ZNF444: variants seen among roughly 807,000 people sequenced by gnomAD.
ZNF444 encodes the protein endothelial zinc finger protein 2.
In ZNF444, 8 loss-of-function variants were observed where a neutral mutation model predicts 14.4. The ratio of observed to expected loss-of-function variants is 0.56; its 90% CI spans 0.33 to 1.00. The LOEUF (loss-of-function observed/expected upper bound fraction) is 1.00, where lower values mean the gene tolerates loss of function less well. Ranked by LOEUF, ZNF444 falls within the 50% of genes least tolerant of loss-of-function variation. ZNF444 has a pLI of 0.03. For synonymous variants in ZNF444, 258 were observed against 235.9 expected (o/e 1.09, Z -0.86); for missense variants, 510 against 504.8 (o/e 1.01, Z -0.10).
At chr19:56,139,551 T>A (rs1204722220), upstream of ZNF444, among the ~76,000 whole-genome samples, 1 of 152,044 alleles carries the variant, frequency 6.6e-6, no homozygotes, top group African/African-American at 2.4e-5. Flanking sequence ...CTGGGCATGG[T>A]GGTGCACGCC....
chr19:56,141,630 C>CGGGGGAGGGGCGCCT (rs1555780162), intron 1 of ZNF444: 1 of 38,878 alleles, frequency 2.6e-5, no homozygotes, highest in African/African-American at 8.0e-5. Flanking sequence ...AGGGAGAGGA[C>CGGGGGAGGGGCGCCT]GGGGGAGGGG....
rs148875355 is a variant in ZNF444, at chr19:56,144,691, A to G, written c.-196-1556A>G. Reference sequence around the variant, plus strand: ...TTCCTCTCAGACCTCACCGGCTAGAAGCAGATTATGTGCCCACCCTCTGCC... The same window carrying G: ...TTCCTCTCAGACCTCACCGGCTAGAGGCAGATTATGTGCCCACCCTCTGCC... On this transcript the variant is annotated intron_variant, in intron 1 of 4. Transcript: ENST00000337080. This position sits in a 1 kb window ranked among gnomAD's most constrained non-coding sequence, Gnocchi z 4.0. Among the ~76,000 whole-genome samples the G allele has an allele frequency of 2.4e-3, 372 of 152,276 alleles. 1 individual carries two copies. In the Middle Eastern group the frequency reaches 0.034, roughly 14 times the overall value.
rs931732659 is a variant in ZNF444 at position 56,145,541 on chromosome 19, G to A, written c.-196-706G>A. ...GCGGAGGTTGCAGTGAACCAAGATC[G>A]CACCATTGCACTCCATCCTGGGCAA... On this transcript the variant is annotated intron_variant, in intron 1 of 4. Transcript: ENST00000337080. This position sits in a 1 kb window ranked among gnomAD's most constrained non-coding sequence, Gnocchi z 4.3. 2.6e-5 allele frequency among the ~76,000 whole-genome samples: 4 copies of A among 151,872 alleles called. No individual in the cohort carries two copies. The highest frequency in any genetic ancestry group is 3.9e-4 in the East Asian group (2 of 5,166).
At position 56,160,307 on chromosome 19, in the gene ZNF444, G is replaced by C; in HGVS notation, c.*106G>C. On this transcript the variant is annotated 3_prime_UTR_variant, in exon 5 of 5. Coordinates refer to ENST00000337080, the MANE Select transcript of ZNF444 (RefSeq NM_018337.4). ...CTTCCTCTCCTCCTTCCCTCCCATCGTCCTCCTCCACCTGCGCCTCCCTTG... is the reference window on the plus strand; with the variant it reads ...CTTCCTCTCCTCCTTCCCTCCCATCCTCCTCCTCCACCTGCGCCTCCCTTG... 1.1e-6 allele frequency: 1 copy of C among 915,064 alleles called. No individual in the cohort carries two copies. Among genetic ancestry groups the C allele is most frequent in the Non-Finnish European group, 1.5e-6 (1 of 659,006 alleles). The allele number at this position is 915,064 out of a possible 1,614,324, so 56.7% of individuals were successfully genotyped here.
At chr19:56,132,615 C>T (rs2030505051) in exon 1 of ZNF444, 5 of 152,234 alleles carry the variant, frequency 3.3e-5, no homozygotes, top group Admixed American at 3.3e-4. Flanking sequence ...CAGCTTCAAT[C>T]TCCAACCGGA....
In ZNF444 at chr19:56,144,669, C is replaced by T. The variant is rs147860278; in HGVS notation, c.-196-1578C>T. ...GGAAAATTGTCTGAACACAGACTTC[C>T]TCTCAGACCTCACCGGCTAGAAGCA... On this transcript the variant is annotated intron_variant, in intron 1 of 4. Coordinates refer to ENST00000337080, the MANE Select transcript of ZNF444 (RefSeq NM_018337.4). The surrounding 1 kb of genome is among the most constrained non-coding windows in gnomAD (Gnocchi z 4.0). Among the ~76,000 whole-genome samples the T allele has an allele frequency of 2.1e-3, 315 of 152,290 alleles. 1 individual carries two copies. Among genetic ancestry groups the T allele is most frequent in the African/African-American group, 6.9e-3 (286 of 41,554 alleles).
In ZNF444 at chr19:56,160,559, T is replaced by A; in HGVS notation, c.*358T>A. 5 of 244,564 alleles carry A rather than the reference T, an allele frequency of 2.0e-5. No individual in the cohort carries two copies. The highest frequency in any genetic ancestry group is 2.3e-5 in the Non-Finnish European group (3 of 128,024). 15.1% of individuals were successfully genotyped at this position (244,564 alleles called of 1,614,324 possible). A position where few individuals can be genotyped will look rare whatever the true frequency, so the allele number is the denominator to read the frequency against. On this transcript the variant is annotated 3_prime_UTR_variant, in exon 5 of 5. Transcript: ENST00000337080. ...CCTCTCTCCCTGCCCTTTTCCTGCCTGAAGAGCAGAGGTGAGGACCTGGGA... is the reference window on the plus strand; with the variant it reads ...CCTCTCTCCCTGCCCTTTTCCTGCCAGAAGAGCAGAGGTGAGGACCTGGGA...
Position 56,151,929 on chromosome 19 carries a change from G to A in ZNF444, c.297+4721G>A, listed in dbSNP as rs763785378. 7.2e-5 allele frequency: 33 copies of A among 456,894 alleles called. 1 individual carries two copies. Among genetic ancestry groups the A allele is most frequent in the South Asian group, 2.5e-4 (16 of 64,542 alleles). 28.3% of individuals were successfully genotyped at this position (456,894 alleles called of 1,614,324 possible). A position where few individuals can be genotyped will look rare whatever the true frequency, so the allele number is the denominator to read the frequency against. Reference sequence around the variant, plus strand: ...CTTGGCATCTGGTGTGTGGGTCCTCGCCTGTCCTCAGAGTTTTCACCGAGA... The same window carrying A: ...CTTGGCATCTGGTGTGTGGGTCCTCACCTGTCCTCAGAGTTTTCACCGAGA... On this transcript the variant is annotated intron_variant, in intron 3 of 4. Coordinates refer to ENST00000337080, the MANE Select transcript of ZNF444 (RefSeq NM_018337.4).
Position 56,146,902 on chromosome 19 carries a change from G to T in ZNF444, c.-10G>T. ...TTGTTCCCTGCAGGCGCTGCGGTCC[G>T]GGAGGCCCCATGGAGGTGGCGGTGC... On this transcript the variant is annotated 5_prime_UTR_variant, in exon 3 of 5. Transcript: ENST00000337080. 1 of 1,410,682 alleles carries T rather than the reference G, an allele frequency of 7.1e-7. No individual in the cohort carries two copies. The highest frequency in any genetic ancestry group is 3.0e-5 in the East Asian group (1 of 33,892). The allele number at this position is 1,410,682 out of a possible 1,614,324, so 87.4% of individuals were successfully genotyped here.
chr19:56,147,118 G>A lies in ZNF444; in HGVS notation c.207G>A (p.Leu69=). The change falls in exon 3 of 5, where the codon CTG becomes CTA. Residue 69 remains leucine, a synonymous_variant. Coordinates refer to ENST00000337080, the MANE Select transcript of ZNF444 (RefSeq NM_018337.4). The surrounding 1 kb of genome is among the most constrained non-coding windows in gnomAD (Gnocchi z 5.9). The part of the protein sequence containing the change: ...MLELLVLEQF[L]SALPADTQAW... ...AGCTGCTGGTGCTGGAACAGTTCCT[G>A]AGCGCGCTGCCCGCCGACACGCAGG... 1.3e-6 allele frequency: 2 copies of A among 1,576,686 alleles called. No individual in the cohort carries two copies. Among genetic ancestry groups the A allele is most frequent in the Non-Finnish European group, 1.7e-6 (2 of 1,165,636 alleles).
intron 3 of ZNF444, chr19:56,156,865 C>T (rs547940706): frequency 2.0e-5 from 3 of 152,448 alleles, no homozygotes; most frequent in African/African-American, 4.8e-5. Flanking sequence ...GATGTCTCTT[C>T]CTGTGGACAA....
rs2032219610 is a variant in ZNF444 at position 56,160,378 on chromosome 19, C to T, written c.*177C>T. 1 of 532,030 alleles carries T rather than the reference C, an allele frequency of 1.9e-6. No homozygotes were observed. The highest frequency in any genetic ancestry group is 2.0e-5 in the African/African-American group (1 of 49,510). The allele number at this position is 532,030 out of a possible 1,614,324, so 33.0% of individuals were successfully genotyped here. On this transcript the variant is annotated 3_prime_UTR_variant, in exon 5 of 5. Coordinates refer to ENST00000337080, the MANE Select transcript of ZNF444 (RefSeq NM_018337.4). ...CCTATTCCTTTCCAACTCCTTTTCC[C>T]CCAAATTTCACTTTCCTTCTCAGGT...
rs902230343 is a variant in ZNF444, at chr19:56,147,519, C to T, written c.297+311C>T. Among the ~76,000 whole-genome samples, 9 of 152,114 alleles carry T rather than the reference C, an allele frequency of 5.9e-5. No homozygotes were observed. The highest frequency in any genetic ancestry group is 2.2e-4 in the African/African-American group (9 of 41,412). On this transcript the variant is annotated intron_variant, in intron 3 of 4. Coordinates refer to ENST00000337080, the MANE Select transcript of ZNF444 (RefSeq NM_018337.4). This position sits in a 1 kb window ranked among gnomAD's most constrained non-coding sequence, Gnocchi z 5.9. Reference sequence around the variant, plus strand: ...CTGGAAGCAGCTGGGAAGAAGGCCACGAAGGCTCCAGGGAGCGCAGTTACC... The same window carrying T: ...CTGGAAGCAGCTGGGAAGAAGGCCATGAAGGCTCCAGGGAGCGCAGTTACC...
At chr19:56,150,303 A>G (rs2031495333) in intron 3 of ZNF444, 1 of 238,576 alleles carries the variant, frequency 4.2e-6, no homozygotes, top group African/African-American at 2.3e-5. Context: ...AAAATAAAAA[A>G]AAATCTTCCA....
chr19:56,156,270 TCTGGAAGCTCC>T (rs1300257877), intron 3 of ZNF444: 1 of 152,268 alleles, frequency 6.6e-6, no homozygotes, highest in Non-Finnish European at 1.5e-5. Context: ...AGTTCAGCTC[TCTGGAAGCTCC>T]CTGAACCCTG....
Position 56,160,319 on chromosome 19 carries a change from C to T in ZNF444, c.*118C>T, listed in dbSNP as rs922022272. The T allele has an allele frequency of 2.5e-5, 20 of 789,676 alleles. No individual in the cohort carries two copies. Among genetic ancestry groups the T allele is most frequent in the African/African-American group, 5.6e-5 (3 of 53,964 alleles). 48.9% of individuals were successfully genotyped at this position (789,676 alleles called of 1,614,324 possible). On this transcript the variant is annotated 3_prime_UTR_variant, in exon 5 of 5. Transcript: ENST00000337080. ...CTTCCCTCCCATCGTCCTCCTCCAC[C>T]TGCGCCTCCCTTGTCTGAACTTCCC...
At chr19:56,138,111 G>A (rs2030652748), upstream of ZNF444, among the ~76,000 whole-genome samples, 2 of 151,620 alleles carry the variant, frequency 1.3e-5, no homozygotes, top group African/African-American at 4.8e-5. Context: ...GTGACGAGAA[G>A]GAAAACTCCA....
intron 3 of ZNF444, chr19:56,157,429 A>T (rs1216956035): frequency 6.6e-6 from 1 of 151,552 alleles, no homozygotes; most frequent in African/African-American, 2.4e-5. Context: ...TTGGAGACAG[A>T]GTCTCACTCT....
intron 3 of ZNF444, among the ~76,000 whole-genome samples, chr19:56,152,866 C>G (rs953181610): frequency 5.3e-5 from 8 of 152,090 alleles, no homozygotes; most frequent in Admixed American, 4.6e-4. Flanking sequence ...CTAATCACCT[C>G]CCAAAGGCCC....
Sources: gnomAD v4.1 joint callset for allele counts (sites outside exome capture counted in the v4.1 genomes callset) on GRCh38, gnomAD v4.1.1 for gene constraint, Gnocchi (gnomAD v3.1) non-coding constraint, MANE v1.5 for transcripts, NCBI Gene and HGNC (gene_info 2026-07-23, HGNC 2026-07-21) for gene names.